Variants in RFX1 observed in about 807,000 individuals in gnomAD.
RFX1 encodes the protein MHC class II regulatory factor RFX1.
Under a neutral mutation model 119.6 loss-of-function variants are expected in RFX1, and 42 were observed. That is an observed-to-expected ratio of 0.35 (90% CI 0.27 to 0.45). The LOEUF (loss-of-function observed/expected upper bound fraction) is 0.45, where lower values mean the gene tolerates loss of function less well. RFX1 is among the 20% of genes least tolerant of loss of function. RFX1 has a pLI of 1.00. For missense variants in RFX1, 1,118 were observed against 1,368.1 expected (o/e 0.82, Z 2.88); for synonymous variants, 628 against 618.5 (o/e 1.02, Z -0.23).
rs1973737729 is a variant in RFX1, at chr19:13,962,725, GCCGCGCGCGTCAGT to G, written c.2896_2909del (p.Thr966ProfsTer77). The G allele has an allele frequency of 6.5e-7, 1 of 1,530,184 alleles. No individual in the cohort carries two copies. The highest frequency in any genetic ancestry group is 1.4e-5 in the African/African-American group (1 of 72,816). 94.8% of individuals were successfully genotyped at this position (1,530,184 alleles called of 1,614,324 possible). On this transcript the variant is annotated frameshift_variant, in exon 21 of 21. Transcript: ENST00000254325. LOFTEE classifies it high-confidence loss of function. ...TGGAGGGCAGCGCCTGCACGAAGAG[GCCGCGCGCGTCAGT>G]CCGCGCCAGCTTGGCCGGCGGCTCC...
chr19:13,974,159 T>C lies in RFX1; in HGVS notation c.930-1032A>G, dbSNP rs1198580724. On this transcript the variant is annotated intron_variant, in intron 8 of 20. Coordinates refer to ENST00000254325, the MANE Select transcript of RFX1 (RefSeq NM_002918.5). ...GCAAGAAGCCACGTGCAAAGGTAAA[T>C]GAGAGATCATAACAGAAGGTGATCA... Among the ~76,000 whole-genome samples, 9 of 151,868 alleles carry C rather than the reference T, an allele frequency of 5.9e-5. No individual in the cohort carries two copies. In the East Asian group the frequency reaches 1.7e-3, roughly 29 times the overall value.
intron 8 of RFX1, among the ~76,000 whole-genome samples, chr19:13,974,988 G>A (rs532164788): frequency 1.4e-5 from 2 of 147,262 alleles, no homozygotes; most frequent in South Asian, 2.2e-4. Context: ...AGGCTGTAGT[G>A]AGCTGAGATC....
chr19:13,966,127 C>T lies in RFX1; in HGVS notation c.1961+294G>A, dbSNP rs1260728155. On this transcript the variant is annotated intron_variant, in intron 14 of 20. Transcript: ENST00000254325. The surrounding 1 kb of genome is among the most constrained non-coding windows in gnomAD (Gnocchi z 6.3). ...ATCCCCAGGGTCTGGTTGGCACAGG[C>T]CCGAGGGGTGGGACGGGATCCTATG... Among the ~76,000 whole-genome samples, 6 of 152,136 alleles carry T rather than the reference C, an allele frequency of 3.9e-5. No individual in the cohort carries two copies. Among genetic ancestry groups the T allele is most frequent in the Non-Finnish European group, 8.8e-5 (6 of 67,996 alleles).
intron 1 of RFX1, among the ~76,000 whole-genome samples, chr19:13,995,398 C>T (rs1175046215): frequency 3.3e-5 from 5 of 152,090 alleles, no homozygotes; most frequent in Admixed American, 2.0e-4. Context: ...CATGGGGCCA[C>T]AGGGGCTTTT....
In RFX1 at chr19:13,970,661, C is replaced by CAAAAAAAA. The variant is rs1167910642; in HGVS notation, c.1315-494_1315-487dup. Reference sequence around the variant, plus strand: ...GCCTGGATACAGTGAGACCTTGTCTCAAAAAAAAAAAAAAAAAAAAAAAAA... The same window carrying CAAAAAAAA: ...GCCTGGATACAGTGAGACCTTGTCTCAAAAAAAAAAAAAAAAAAAAAAAAAAAAAAAAA... On this transcript the variant is annotated intron_variant, in intron 9 of 20. Coordinates refer to ENST00000254325, the MANE Select transcript of RFX1 (RefSeq NM_002918.5). Among the ~76,000 whole-genome samples the CAAAAAAAA allele has an allele frequency of 2.3e-4, 6 of 25,826 alleles. 2 individuals are homozygous for CAAAAAAAA. The highest frequency in any genetic ancestry group is 3.5e-4 in the African/African-American group (3 of 8,550). The allele number at this position is 25,826 out of a possible 152,430, so 16.9% of individuals were successfully genotyped here.
At chr19:13,973,772 A>C (rs1974167229) in intron 8 of RFX1, among the ~76,000 whole-genome samples, 1 of 152,124 alleles carries the variant, frequency 6.6e-6, no homozygotes, top group African/African-American at 2.4e-5. Flanking sequence ...CTGGGAATAC[A>C]GGGCTCACCA....
At position 13,963,797 on chromosome 19, in the gene RFX1, C is replaced by A. The variant is rs113647736; in HGVS notation, c.2362-51G>T. The A allele has an allele frequency of 4.1e-3, 6,192 of 1,496,876 alleles. 233 individuals carry two copies. The African/African-American group carries it at 0.078, about 19-fold the overall frequency. 92.7% of individuals were successfully genotyped at this position (1,496,876 alleles called of 1,614,324 possible). A position where few individuals can be genotyped will look rare whatever the true frequency, so the allele number is the denominator to read the frequency against. ...CCCGGGGCTCAGCCGCCGTCACCCCCGCCTGGCCCGCCCCGTTAGGCTGCC... is the reference window on the plus strand; with the variant it reads ...CCCGGGGCTCAGCCGCCGTCACCCCAGCCTGGCCCGCCCCGTTAGGCTGCC... On this transcript the variant is annotated intron_variant, in intron 17 of 20. Transcript: ENST00000254325.
At chr19:13,979,600 C>T in intron 6 of RFX1, 58 bp from the exon 7 acceptor site, 1 of 1,268,026 alleles carries the variant, frequency 7.9e-7, no homozygotes, top group Non-Finnish European at 1.1e-6. Context: ...TCAACCTACC[C>T]AGCCCCTGCA....
intron 5 of RFX1, among the ~76,000 whole-genome samples, chr19:13,981,900 G>A (rs1974440807): frequency 2.0e-5 from 3 of 152,198 alleles, no homozygotes; most frequent in African/African-American, 2.4e-5. Flanking sequence ...AGAGCTCCAC[G>A]GCCGCTTAGC....
intron 1 of RFX1, among the ~76,000 whole-genome samples, chr19:14,001,208 G>A (rs949920977): frequency 1.3e-5 from 2 of 152,090 alleles, no homozygotes; most frequent in Non-Finnish European, 1.5e-5. Context: ...GTCTCAGCTC[G>A]TACACACTTC....
At chr19:13,997,808 A>T (rs571323307) in intron 1 of RFX1, among the ~76,000 whole-genome samples, 1 of 152,196 alleles carries the variant, frequency 6.6e-6, no homozygotes, top group Non-Finnish European at 1.5e-5. Context: ...CTTCCCACCT[A>T]GCAGGTGGCC....
At chr19:13,991,790 T>C (rs1471206280) in intron 2 of RFX1, among the ~76,000 whole-genome samples, 1 of 152,098 alleles carries the variant, frequency 6.6e-6, no homozygotes, top group East Asian at 1.9e-4. Flanking sequence ...GCTTCCTGAG[T>C]AGCTGGCATT....
rs1284416802 is a variant in RFX1 at position 13,993,499 on chromosome 19, T to A, written c.319+26A>T. 1.9e-6 allele frequency: 3 copies of A among 1,595,742 alleles called. No individual in the cohort carries two copies. In the Admixed American group the frequency reaches 5.1e-5, roughly 27 times the overall value. On this transcript the variant is annotated intron_variant, in intron 2 of 20. Coordinates refer to ENST00000254325, the MANE Select transcript of RFX1 (RefSeq NM_002918.5). ...ATCTGAACAACTCTGAGAGGAGTTT[T>A]CAGGACACACGAGCGCGGCACTTAC...
At chr19:13,979,763 C>T (rs1974370118) in intron 6 of RFX1, among the ~76,000 whole-genome samples, 1 of 152,146 alleles carries the variant, frequency 6.6e-6, no homozygotes, top group South Asian at 2.1e-4. Flanking sequence ...TTCGGGGTCT[C>T]TGCTCTCCGC....
intron 2 of RFX1, among the ~76,000 whole-genome samples, chr19:13,991,914 G>T (rs1392162890): frequency 2.0e-5 from 3 of 151,876 alleles, no homozygotes; most frequent in African/African-American, 7.3e-5. Context: ...CACCTGCCTC[G>T]GCCTCCCAAA....
In RFX1 at chr19:13,983,557, T is replaced by C. The variant is rs759798572; in HGVS notation, c.358A>G (p.Ser120Gly). The change falls in exon 3 of 21, where the codon AGC (serine) becomes GGC (glycine). Residue 120 changes from serine (S) to glycine (G), a missense_variant. Transcript: ENST00000254325. The stretch of plus-strand genomic sequence containing the variant: ...GTCTGGCTGGCGGTGGAGCCGGGGC[T>C]GGCCTCCGACACTGTCTCGCTGGCC... ...MRASETVSEA[S>G]PGSTASQTGV... is the part of the protein sequence containing the mutation. 58 of 1,610,550 alleles carry C rather than the reference T, an allele frequency of 3.6e-5. No homozygotes were observed. The highest frequency in any genetic ancestry group is 4.7e-5 in the Non-Finnish European group (56 of 1,179,414).
chr19:13,981,407 C>T (rs1467614044), intron 5 of RFX1, among the ~76,000 whole-genome samples: 1 of 152,198 alleles, frequency 6.6e-6, no homozygotes, highest in Non-Finnish European at 1.5e-5. Context: ...ACCAGCCTGG[C>T]CAACATGGTG....
intron 1 of RFX1, among the ~76,000 whole-genome samples, chr19:13,994,146 C>A (rs577145166): frequency 6.6e-6 from 1 of 152,240 alleles, no homozygotes; most frequent in South Asian, 2.1e-4. Flanking sequence ...CAAGCCAGGA[C>A]TCCTGCCTTC....
At chr19:13,983,714 C>T (rs1974511799) in intron 2 of RFX1, 119 bp from the exon 3 acceptor site, 1 of 793,724 alleles carries the variant, frequency 1.3e-6, no homozygotes, top group African/African-American at 1.7e-5. Flanking sequence ...TCAGGCCCCT[C>T]CAAGAGTCCT....
Sources: gnomAD v4.1 joint callset for allele counts (sites outside exome capture counted in the v4.1 genomes callset) on GRCh38, gnomAD v4.1.1 for gene constraint, Gnocchi (gnomAD v3.1) non-coding constraint, MANE v1.5 for transcripts, NCBI Gene and HGNC (gene_info 2026-07-23, HGNC 2026-07-21) for gene names.